BBX: variants seen among roughly 807,000 people sequenced by gnomAD.
The protein encoded by BBX is HMG box transcription factor BBX.
A neutral mutation model predicts 100.2 loss-of-function variants in BBX; 30 were observed. The ratio of observed to expected loss-of-function variants is 0.30; its 90% CI spans 0.22 to 0.41. The LOEUF (loss-of-function observed/expected upper bound fraction) is 0.41, where lower values mean the gene tolerates loss of function less well. Ranked by LOEUF, BBX falls within the 10% of genes least tolerant of loss-of-function variation. The pLI is 1.00. For missense variants in BBX, 1,023 were observed against 1,129.8 expected, an observed-to-expected ratio of 0.91 and a Z score of 1.35; for synonymous variants, 376 against 388.1, an observed-to-expected ratio of 0.97 and a Z score of 0.37.
rs1287653321 is a variant in BBX at position 107,526,404 on chromosome 3, T to G, written c.-84+6T>G. The G allele has an allele frequency of 1.5e-5, 6 of 398,486 alleles. No homozygotes were observed. Among genetic ancestry groups the G allele is most frequent in the Non-Finnish European group, 2.7e-5 (6 of 226,076 alleles). 24.7% of individuals were successfully genotyped at this position (398,486 alleles called of 1,614,324 possible). On this transcript the variant is annotated splice_donor_region_variant and intron_variant, in intron 2 of 17. Transcript: ENST00000325805. ...CTTTCCATTTGCCTTCCTGGGTAAG[T>G]ATGCAAACTGTTCGTACAGGGAAGC...
At chr3:107,783,515 A>AT (rs143543560) in intron 13 of BBX, among the ~76,000 whole-genome samples, 125 of 152,158 alleles carry the variant, frequency 8.2e-4, no homozygotes, top group African/African-American at 2.9e-3. Flanking sequence ...ACGTCAAATC[A>AT]TTTTGCTTCT....
chr3:107,773,551 A>G lies in BBX; in HGVS notation c.1830A>G (p.Lys610=). The G allele has an allele frequency of 6.2e-7, 1 of 1,614,076 alleles. No individual in the cohort carries two copies. Among genetic ancestry groups the G allele is most frequent in the East Asian group, 2.2e-5 (1 of 44,878 alleles). The change falls in exon 11 of 18, where the codon AAA becomes AAG. Residue 610 remains lysine (K), a synonymous_variant. Coordinates refer to ENST00000325805, the MANE Select transcript of BBX (RefSeq NM_001142568.3). The surrounding 1 kb of genome is among the most constrained non-coding windows in gnomAD (Gnocchi z 4.1). ...HRKIETCGSR[K]SERSCKGALY... ...AAATAGAAACTTGTGGTTCCAGGAAATCCGAGAGGTCTTGCAAAGGTGCTC... is the reference window on the plus strand; with the variant it reads ...AAATAGAAACTTGTGGTTCCAGGAAGTCCGAGAGGTCTTGCAAAGGTGCTC...
intron 2 of BBX, among the ~76,000 whole-genome samples, chr3:107,552,160 G>A (rs1452579449): frequency 6.6e-6 from 1 of 151,470 alleles, no homozygotes; most frequent in Admixed American, 6.6e-5. Flanking sequence ...TGGACAACAT[G>A]TCAAAACCTT....
intron 3 of BBX, among the ~76,000 whole-genome samples, chr3:107,680,411 T>TA (rs2059509803): frequency 6.6e-6 from 1 of 152,148 alleles, no homozygotes; most frequent in African/African-American, 2.4e-5. Context: ...GTGTAAGTGG[T>TA]AGTAGACATG....
chr3:107,619,430 T>C (rs1001566256), intron 2 of BBX, among the ~76,000 whole-genome samples: 1 of 152,116 alleles, frequency 6.6e-6, no homozygotes, highest in Non-Finnish European at 1.5e-5. Context: ...CTTTAACACA[T>C]TTAGATCCAC....
intron 2 of BBX, among the ~76,000 whole-genome samples, chr3:107,609,925 T>C (rs1163315802): frequency 2.0e-5 from 3 of 152,098 alleles, no homozygotes; most frequent in African/African-American, 7.2e-5. Context: ...TGGTTTGCCC[T>C]TACTTTTCTG....
chr3:107,652,181 C>A (rs1326973693), intron 3 of BBX, among the ~76,000 whole-genome samples: 1 of 43,248 alleles, frequency 2.3e-5, no homozygotes, highest in African/African-American at 8.9e-5. Context: ...TTGATATAGG[C>A]TCAAATGAAC....
chr3:107,568,173 G>T (rs1223467723), intron 2 of BBX, among the ~76,000 whole-genome samples: 1 of 150,828 alleles, frequency 6.6e-6, no homozygotes, highest in Non-Finnish European at 1.5e-5. Flanking sequence ...AGGTGTTTTT[G>T]TTTTTAATTT....
intron 2 of BBX, among the ~76,000 whole-genome samples, chr3:107,553,877 T>G (rs911562785): frequency 2.0e-5 from 3 of 152,240 alleles, no homozygotes; most frequent in African/African-American, 7.2e-5. Context: ...GTACTTATTT[T>G]CTAGATTTCT....
chr3:107,692,590 T>A (rs1241441843), intron 3 of BBX, among the ~76,000 whole-genome samples: 1 of 152,120 alleles, frequency 6.6e-6, no homozygotes, highest in Non-Finnish European at 1.5e-5. Context: ...CTTAATCCAG[T>A]CTATCATTGT....
At chr3:107,575,704 A>G (rs1464352443) in intron 2 of BBX, among the ~76,000 whole-genome samples, 2 of 152,156 alleles carry the variant, frequency 1.3e-5, no homozygotes, top group East Asian at 3.8e-4. Flanking sequence ...GTAATACCAG[A>G]CATTCTACTC....
intron 3 of BBX, among the ~76,000 whole-genome samples, chr3:107,665,850 G>C (rs535915453): frequency 2.0e-5 from 3 of 152,174 alleles, no homozygotes; most frequent in African/African-American, 7.2e-5. Flanking sequence ...CTTTCTGTTG[G>C]GCTTTTCCTT....
rs1261943259 is a variant in BBX, at chr3:107,591,928, G to T, written c.-83-53908G>T. Among the ~76,000 whole-genome samples, 3 of 152,166 alleles carry T rather than the reference G, an allele frequency of 2.0e-5. No individual in the cohort carries two copies. In the East Asian group the frequency reaches 5.8e-4, roughly 29 times the overall value. On this transcript the variant is annotated intron_variant, in intron 2 of 17. Coordinates refer to ENST00000325805, the MANE Select transcript of BBX (RefSeq NM_001142568.3). ...AAAGGGAAGATATTTGAAAGTATGTGGTGAGGAGATTCTGAAACTTTCCAG... is the reference window on the plus strand; with the variant it reads ...AAAGGGAAGATATTTGAAAGTATGTTGTGAGGAGATTCTGAAACTTTCCAG...
intron 2 of BBX, among the ~76,000 whole-genome samples, chr3:107,539,171 A>G (rs985164739): frequency 1.3e-5 from 2 of 152,162 alleles, no homozygotes; most frequent in South Asian, 2.1e-4. Flanking sequence ...TCTGGGTTCA[A>G]TGTATTGAAT....
intron 2 of BBX, among the ~76,000 whole-genome samples, chr3:107,574,226 C>T (rs1349980875): frequency 6.6e-6 from 1 of 152,128 alleles, no homozygotes; most frequent in Non-Finnish European, 1.5e-5. Context: ...TTGTAAACAT[C>T]TCCATTTTAT....
intron 2 of BBX, among the ~76,000 whole-genome samples, chr3:107,553,472 A>G (rs2049853683): frequency 6.6e-6 from 1 of 152,184 alleles, no homozygotes; most frequent in Admixed American, 6.5e-5. Flanking sequence ...ATTATTGCTA[A>G]AATCTAAGTC....
At chr3:107,600,146 A>T (rs1054855674) in intron 2 of BBX, among the ~76,000 whole-genome samples, 1 of 152,276 alleles carries the variant, frequency 6.6e-6, no homozygotes, top group Non-Finnish European at 1.5e-5. Flanking sequence ...TATTAAGGCC[A>T]GAAGCCTTTT....
In BBX at chr3:107,583,342, CAG is replaced by C. The variant is rs2052427075; in HGVS notation, c.-84+56946_-84+56947del. On this transcript the variant is annotated intron_variant, in intron 2 of 17. Coordinates refer to ENST00000325805, the MANE Select transcript of BBX (RefSeq NM_001142568.3). The stretch of plus-strand genomic sequence containing the variant: ...ACTGCTTATATTATAAGTGAGGAAA[CAG>C]AACATGAATGATTTGCCTGTTTATT... Among the ~76,000 whole-genome samples the C allele has an allele frequency of 4.6e-5, 7 of 152,036 alleles. No homozygotes were observed. The South Asian group carries it at 1.5e-3, about 32-fold the overall frequency.
chr3:107,546,008 A>G (rs1280458110), intron 2 of BBX, among the ~76,000 whole-genome samples: 1 of 152,178 alleles, frequency 6.6e-6, no homozygotes, highest in Non-Finnish European at 1.5e-5. Flanking sequence ...CAAAGGTGCT[A>G]ATTGTTTCTA....
Sources: gnomAD v4.1 joint callset for allele counts (sites outside exome capture counted in the v4.1 genomes callset) on GRCh38, gnomAD v4.1.1 for gene constraint, Gnocchi (gnomAD v3.1) non-coding constraint, MANE v1.5 for transcripts, NCBI Gene and HGNC (gene_info 2026-07-23, HGNC 2026-07-21) for gene names.